The following SLC27A5 variants were observed in gnomAD, a reference collection of about 807,000 sequenced individuals.
The protein encoded by SLC27A5 is solute carrier family 27 member 5, also known as long-chain fatty acid transport protein 5.
SLC27A5 carries 47 observed loss-of-function variants against 63.1 expected under a neutral mutation model. The observed-to-expected ratio is 0.74, with a 90% CI of 0.59 to 0.95. The LOEUF (loss-of-function observed/expected upper bound fraction) is 0.95, where lower values mean the gene tolerates loss of function less well. Ranked by LOEUF, SLC27A5 falls within the 40% of genes least tolerant of loss-of-function variation. SLC27A5 has a pLI of 0.00. For synonymous variants in SLC27A5, 391 were observed against 403.8 expected, an observed-to-expected ratio of 0.97 and a Z score of 0.38; for missense variants, 940 against 921.0, an observed-to-expected ratio of 1.02 and a Z score of -0.27.
At position 58,498,860 on chromosome 19, in the gene SLC27A5, G is replaced by T; in HGVS notation, c.1821C>A (p.Phe607Leu). 6.2e-7 allele frequency: 1 copy of T among 1,613,804 alleles called. No homozygotes were observed. The highest frequency in any genetic ancestry group is 8.5e-7 in the Non-Finnish European group (1 of 1,180,028). The change falls in exon 9 of 10, where the codon TTC (phenylalanine) becomes TTA (leucine). Residue 607 changes from phenylalanine (F) to leucine (L), a missense_variant. Phe to Leu is a conservative substitution (Grantham distance 22, BLOSUM62 0). Coordinates refer to ENST00000263093, the MANE Select transcript of SLC27A5 (RefSeq NM_012254.3). ...AAVQLAPGQT[F>L]DGEKLYQHVR... ...CGTGCTGGTACAACTTCTCCCCGTC[G>T]AAAGTCTGGCCGGGGGCTAGCTGCA...
chr19:58,500,761 G>A, intron 4 of SLC27A5, 55 bp from the exon 5 acceptor site: 1 of 1,588,512 alleles, frequency 6.3e-7, no homozygotes, highest in Non-Finnish European at 8.6e-7. Context: ...GCATGCCTTG[G>A]AACCTTTACC....
chr19:58,504,387 G>A (rs1027096924), intron 3 of SLC27A5, among the ~76,000 whole-genome samples: 3 of 152,036 alleles, frequency 2.0e-5, no homozygotes, highest in Non-Finnish European at 2.9e-5. Context: ...GGTGGCTCAC[G>A]CCTGTAATCC....
chr19:58,500,971 C>T, intron 4 of SLC27A5: 1 of 1,342,648 alleles, frequency 7.4e-7, no homozygotes. Flanking sequence ...TCTGGGGTCT[C>T]ACCTAAGAGT....
At chr19:58,499,740 C>G in intron 6 of SLC27A5, 50 bp from the exon 7 acceptor site, 1 of 1,580,134 alleles carries the variant, frequency 6.3e-7, no homozygotes, top group South Asian at 1.1e-5. Context: ...AGCCAAGCCC[C>G]CTGCTGGAGG....
At chr19:58,499,370 C>G (rs2053246375) in intron 7 of SLC27A5, 122 bp downstream of exon 7, 1 of 1,351,824 alleles carries the variant, frequency 7.4e-7, no homozygotes, top group Admixed American at 2.1e-5. Context: ...GTGAGAAGTC[C>G]TGACTCCAAG....
At chr19:58,503,061 T>C (rs181828980) in intron 3 of SLC27A5, among the ~76,000 whole-genome samples, 4,972 of 152,006 alleles carry the variant, frequency 0.033, 90 homozygotes, top group Middle Eastern at 0.095. Context: ...AAAAATTAGC[T>C]GGGCGTGGTA....
intron 2 of SLC27A5, 62 bp downstream of exon 2, chr19:58,510,659 G>T (rs1311434597): frequency 3.6e-6 from 5 of 1,390,618 alleles, no homozygotes; most frequent in Non-Finnish European, 4.9e-6. Flanking sequence ...CACAAGTCAA[G>T]TGTGGGGTCA....
chr19:58,499,544 T>G lies in SLC27A5; in HGVS notation c.1615A>C (p.Met539Leu). 6.2e-7 allele frequency: 1 copy of G among 1,612,956 alleles called. No individual in the cohort carries two copies. The highest frequency in any genetic ancestry group is 1.3e-5 in the African/African-American group (1 of 74,940). Residue 539 changes from methionine (M) to leucine (L), a missense_variant, in exon 7 of 10, where the codon ATG (methionine) becomes CTG (leucine). Met to Leu is a conservative substitution (Grantham distance 15, BLOSUM62 2). Transcript: ENST00000263093. ...AAGTAGAGGAAGCCTTCGCGGTCCA[T>G]GGCCAGTACGTCCCCGGTGTTGTAG... is the stretch of plus-strand genomic sequence containing the variant. ...VYYNTGDVLA[M>L]DREGFLYFRD... is the part of the protein sequence containing the mutation.
At chr19:58,509,603 A>G (rs565957420) in intron 3 of SLC27A5, 97 of 393,880 alleles carry the variant, frequency 2.5e-4, no homozygotes, top group African/African-American at 1.9e-3. Context: ...CCTTCCTTGG[A>G]TGCCTGTGAC....
At position 58,500,685 on chromosome 19, in the gene SLC27A5, T is replaced by C; in HGVS notation, c.1204A>G (p.Thr402Ala). 1 of 1,613,882 alleles carries C rather than the reference T, an allele frequency of 6.2e-7. No homozygotes were observed. The highest frequency in any genetic ancestry group is 8.5e-7 in the Non-Finnish European group (1 of 1,179,912). Residue 402 changes from threonine to alanine, a missense_variant, in exon 5 of 10, where the codon ACA becomes GCA. By Grantham distance (58) the Thr-to-Ala change is moderately conservative (BLOSUM62 0). Transcript: ENST00000263093. ...IPQQPEDRTH[T>A]VRLAMGNGLR... ...CCATTGCCCATTGCCAGGCGGACTG[T>C]ATGTGTCCGGTCCTCTGGTTGCTAC... is the stretch of plus-strand genomic sequence containing the variant.
intron 3 of SLC27A5, among the ~76,000 whole-genome samples, chr19:58,504,991 G>A (rs905102426): frequency 8.6e-5 from 13 of 150,294 alleles, no homozygotes; most frequent in African/African-American, 2.9e-4. Flanking sequence ...GGGCGACAGA[G>A]CGAGACTCCA....
Position 58,511,643 on chromosome 19 carries a change from T to A in SLC27A5, c.313A>T (p.Arg105Trp), listed in dbSNP as rs1449040724. The A allele has an allele frequency of 3.7e-6, 6 of 1,600,812 alleles. No individual in the cohort carries two copies. Among genetic ancestry groups the A allele is most frequent in the Non-Finnish European group, 5.1e-6 (6 of 1,173,416 alleles). The change falls in exon 1 of 10, where the codon AGG becomes TGG. Residue 105 changes from arginine (R) to tryptophan (W), a missense_variant. Physicochemically the swap from Arg to Trp is moderately radical, Grantham distance 101. Transcript: ENST00000263093. ...AKILHLGLKIRGCLSRQPPDT... is the reference protein window; with the variant it reads ...AKILHLGLKIWGCLSRQPPDT... ...GGCGGCTGCCGGCTCAAGCATCCCCTGATCTTCAGGCCCAGGTGGAGGATC... is the reference window on the plus strand; with the variant it reads ...GGCGGCTGCCGGCTCAAGCATCCCCAGATCTTCAGGCCCAGGTGGAGGATC...
At chr19:58,500,864 TGA>T in intron 4 of SLC27A5, 158 bp from the exon 5 acceptor site, 1 of 1,433,904 alleles carries the variant, frequency 7.0e-7, no homozygotes, top group Non-Finnish European at 9.1e-7. Context: ...GTTACTTACA[TGA>T]GAGTAGTTAC....
chr19:58,504,127 C>A (rs1396014485), intron 3 of SLC27A5, among the ~76,000 whole-genome samples: 5 of 151,800 alleles, frequency 3.3e-5, no homozygotes, highest in Non-Finnish European at 5.9e-5. Flanking sequence ...AAAACAAAAC[C>A]AAACCAAAAC....
intron 4 of SLC27A5, 85 bp from the exon 5 acceptor site, chr19:58,500,791 G>A (rs1198931199): frequency 6.5e-6 from 10 of 1,546,954 alleles, no homozygotes; most frequent in South Asian, 2.4e-5. Flanking sequence ...TGTTATCCTG[G>A]GTCCTTACCT....
At chr19:58,501,491 C>T (rs2053273718) in intron 3 of SLC27A5, 81 bp from the exon 4 acceptor site, 7 of 1,455,228 alleles carry the variant, frequency 4.8e-6, no homozygotes, top group Admixed American at 1.8e-5. Flanking sequence ...TGTGCTCACC[C>T]ACCCCCACAC....
chr19:58,502,516 A>T (rs56050624), intron 3 of SLC27A5, among the ~76,000 whole-genome samples: 679 of 13,984 alleles, frequency 0.049, 14 homozygotes, highest in Non-Finnish European at 0.063. Context: ...AGTGAGTGAG[A>T]AGATGGATGG....
intron 7 of SLC27A5, 114 bp from the exon 8 acceptor site, chr19:58,499,334 C>G: frequency 1.5e-6 from 2 of 1,355,238 alleles, no homozygotes; most frequent in Non-Finnish European, 2.0e-6. Context: ...CCCGCCCCCT[C>G]GAAAATCGAG....
chr19:58,511,512 C>T lies in SLC27A5; in HGVS notation c.444G>A (p.Leu148=), dbSNP rs1207975833. Residue 148 remains leucine (L), a synonymous_variant, in exon 1 of 10, where the codon CTG becomes CTA. Transcript: ENST00000263093. ...ATGCCGCCTGGCAGGCCCGGGCATC[C>T]AGCTCACCAAAGGTGACTGAGCCGG... The part of the protein sequence containing the change: ...PGAGSVTFGE[L]DARACQAAWA... The T allele has an allele frequency of 1.9e-6, 3 of 1,572,098 alleles. No homozygotes were observed. The highest frequency in any genetic ancestry group is 2.6e-6 in the Non-Finnish European group (3 of 1,158,634).
Sources: allele counts gnomAD v4.1 joint callset (sites outside exome capture counted in the v4.1 genomes callset), GRCh38; gene constraint gnomAD v4.1.1; transcripts MANE v1.5; gene names NCBI Gene and HGNC (gene_info 2026-07-23, HGNC 2026-07-21).